RNF19B: variants seen among roughly 807,000 people sequenced by gnomAD.
RNF19B encodes E3 ubiquitin-protein ligase RNF19B.
A neutral mutation model predicts 65.5 loss-of-function variants in RNF19B; 23 were observed. The ratio of observed to expected loss-of-function variants is 0.35; its 90% confidence interval spans 0.25 to 0.50. The LOEUF (loss-of-function observed/expected upper bound fraction) is 0.50, where lower values mean the gene tolerates loss of function less well. Ranked by LOEUF, RNF19B falls within the 20% of genes least tolerant of loss-of-function variation. The probability of loss-of-function intolerance (pLI) is 0.98; values close to 1 mark genes in which losing one functional copy is unlikely to be tolerated. For synonymous variants in RNF19B, 372 were observed against 379.6 expected, an observed-to-expected ratio of 0.98 and a Z score of 0.23; for missense variants, 794 against 980.0, an observed-to-expected ratio of 0.81 and a Z score of 2.53.
intron 1 of RNF19B, among the ~76,000 whole-genome samples, chr1:32,958,645 G>A (rs533157216): frequency 4.6e-4 from 70 of 152,130 alleles, no homozygotes; most frequent in African/African-American, 1.6e-3. Context: ...GAACCCGGGA[G>A]GTGGAGCTTG....
chr1:32,960,361 G>A (rs1277379895), intron 1 of RNF19B, among the ~76,000 whole-genome samples: 5 of 152,116 alleles, frequency 3.3e-5, no homozygotes. Flanking sequence ...TTTATCTGTG[G>A]GCAGTAAAGA....
In RNF19B at chr1:32,964,373, C is replaced by A; in HGVS notation, c.313G>T (p.Glu105Ter). 7.2e-7 allele frequency: 1 copy of A among 1,396,638 alleles called. No homozygotes were observed. Among genetic ancestry groups the A allele is most frequent in the Non-Finnish European group, 9.3e-7 (1 of 1,076,182 alleles). 86.5% of individuals were successfully genotyped at this position (1,396,638 alleles called of 1,614,324 possible). A position where few individuals can be genotyped will look rare whatever the true frequency, so the allele number is the denominator to read the frequency against. Residue 105 changes from glutamate to a stop codon, truncating the protein, a stop_gained, in exon 1 of 9, where the codon GAG (glutamate) becomes TAG (stop). Coordinates refer to ENST00000235150, the MANE Select transcript of RNF19B (RefSeq NM_001300826.2). LOFTEE classifies it high-confidence loss of function. The surrounding 1 kb of genome is among the most constrained non-coding windows in gnomAD (Gnocchi z 6.5). ...CCCGGGCCACCGCCCTCCGCCGCCTCCTCATCGTCGAACCCAGGCTCCGCC... is the reference window on the plus strand; with the variant it reads ...CCCGGGCCACCGCCCTCCGCCGCCTACTCATCGTCGAACCCAGGCTCCGCC... ...AAAEPGFDDE[E>*]AAEGGGPGAE...
Position 32,939,480 on chromosome 1 carries a change from CTTA to C in RNF19B, c.1611-955_1611-953del, listed in dbSNP as rs577806774. On this transcript the variant is annotated intron_variant, in intron 7 of 8. Coordinates refer to ENST00000235150, the MANE Select transcript of RNF19B (RefSeq NM_001300826.2). ...TACAGGCGTGCGCAGGCCCTGCCTA[CTTA>C]TTATTATGCATCTCTCACTTGTCTG... Among the ~76,000 whole-genome samples the C allele has an allele frequency of 2.5e-3, 378 of 152,304 alleles. 2 individuals carry two copies. The highest frequency in any genetic ancestry group is 8.7e-3 in the African/African-American group (360 of 41,568).
At chr1:32,949,400 A>G (rs1452439048) in intron 2 of RNF19B, among the ~76,000 whole-genome samples, 169 bp downstream of exon 2, 3 of 152,346 alleles carry the variant, frequency 2.0e-5, no homozygotes, top group African/African-American at 4.8e-5. Flanking sequence ...TAATGGTCAG[A>G]GAGGGAAGTG....
At position 32,942,368 on chromosome 1, in the gene RNF19B, A is replaced by G; in HGVS notation, c.1494T>C (p.Pro498=). 4 of 1,614,194 alleles carry G rather than the reference A, an allele frequency of 2.5e-6. No individual in the cohort carries two copies. Among genetic ancestry groups the G allele is most frequent in the East Asian group, 2.2e-5 (1 of 44,886 alleles). Reference sequence around the variant, plus strand: ...CTTGCATAACACTAAGTCCATCTGTAGGGCTTCCACTAGTGCTCAATACAC... The same window carrying G: ...CTTGCATAACACTAAGTCCATCTGTGGGGCTTCCACTAGTGCTCAATACAC... ...LTSVLSTSGS[P]TDGLSVMQGP... Residue 498 remains proline, a synonymous_variant, in exon 7 of 9, where the codon CCT becomes CCC. Transcript: ENST00000235150.
At chr1:32,943,895 C>T (rs1305738124) in intron 6 of RNF19B, 124 bp downstream of exon 6, 1 of 925,332 alleles carries the variant, frequency 1.1e-6, no homozygotes, top group South Asian at 1.7e-5. Flanking sequence ...AAATACTTTA[C>T]CCCCTACAAA....
intron 1 of RNF19B, among the ~76,000 whole-genome samples, chr1:32,958,344 C>A (rs1015022773): frequency 1.3e-5 from 2 of 152,170 alleles, no homozygotes; most frequent in Admixed American, 1.3e-4. Flanking sequence ...CCTCACAAAA[C>A]ATTTTTCTTT....
At chr1:32,942,537 T>G (rs1149128) in intron 6 of RNF19B, 78 bp from the exon 7 acceptor site, 109,007 of 1,203,704 alleles carry the variant, frequency 0.091, 6,626 homozygotes, top group African/African-American at 0.26. Flanking sequence ...GCAATGACTT[T>G]TCAGAGAACT....
At chr1:32,936,238 T>A (rs1444130774), downstream of RNF19B, among the ~76,000 whole-genome samples, 1 of 152,240 alleles carries the variant, frequency 6.6e-6, no homozygotes, top group East Asian at 1.9e-4. Context: ...TAATAATTCT[T>A]CAGCCTGACT....
intron 5 of RNF19B, 21 bp from the exon 6 acceptor site, chr1:32,944,180 A>C (rs1336859215): frequency 1.9e-6 from 3 of 1,599,692 alleles, no homozygotes. Flanking sequence ...AGAAGGAAAC[A>C]TGTCAGCTGG....
chr1:32,944,381 C>T (rs753634700), intron 5 of RNF19B, among the ~76,000 whole-genome samples: 6 of 152,314 alleles, frequency 3.9e-5, no homozygotes, highest in African/African-American at 1.4e-4. Flanking sequence ...TAACCTTGGA[C>T]CTATCTTCCC....
downstream of RNF19B, among the ~76,000 whole-genome samples, chr1:32,935,044 A>C (rs193199251): frequency 2.1e-3 from 314 of 150,620 alleles, no homozygotes; most frequent in East Asian, 0.019. Flanking sequence ...GTTGGCCAGG[A>C]TGGTCTTGAT....
At chr1:32,943,302 G>A (rs914169286) in intron 6 of RNF19B, among the ~76,000 whole-genome samples, 2 of 151,932 alleles carry the variant, frequency 1.3e-5, no homozygotes, top group African/African-American at 4.8e-5. Context: ...TAGATAGTAA[G>A]ATGAAAGCTT....
intron 1 of RNF19B, among the ~76,000 whole-genome samples, chr1:32,954,344 G>A (rs749359235): frequency 1.3e-5 from 2 of 151,634 alleles, no homozygotes; most frequent in Admixed American, 6.6e-5. Context: ...CTATTACTAC[G>A]ACACAGAATT....
At chr1:32,951,370 C>T (rs1176257496) in intron 1 of RNF19B, among the ~76,000 whole-genome samples, 2 of 152,262 alleles carry the variant, frequency 1.3e-5, no homozygotes, top group Non-Finnish European at 2.9e-5. Context: ...GCCCACGGGG[C>T]AGCAGGAGCA....
rs888645360 is a variant in RNF19B, at chr1:32,936,819, T to C, written c.2183A>G (p.Glu728Gly). The C allele has an allele frequency of 1.3e-6, 2 of 1,567,990 alleles. No individual in the cohort carries two copies. Among genetic ancestry groups the C allele is most frequent in the Non-Finnish European group, 1.7e-6 (2 of 1,153,526 alleles). The change falls in exon 9 of 9, where the codon GAA becomes GGA. Residue 728 changes from glutamate (E) to glycine (G), a missense_variant. Glu to Gly is a moderately conservative substitution (Grantham distance 98, BLOSUM62 -2). This residue lies in a region of RNF19B where 368 missense variants were observed against 447.3 expected (regional missense o/e 0.82). Coordinates refer to ENST00000235150, the MANE Select transcript of RNF19B (RefSeq NM_001300826.2). ...ATTCATTCCACTTCATACTCTGGCT[T>C]CTCCACCTTCTGGCTTCAAGACAGT... Reference protein sequence around the residue: ...GQTVLKPEGGEARV With the variant: ...GQTVLKPEGGGARV
At chr1:32,931,553 T>C (rs1354575214), downstream of RNF19B, among the ~76,000 whole-genome samples, 1 of 152,208 alleles carries the variant, frequency 6.6e-6, no homozygotes, top group Non-Finnish European at 1.5e-5. Flanking sequence ...TCCCCATTGC[T>C]CATTTCAGAG....
At position 32,955,579 on chromosome 1, in the gene RNF19B, T is replaced by A. The variant is rs564507365; in HGVS notation, c.636-5805A>T. Among the ~76,000 whole-genome samples, 54 of 147,832 alleles carry A rather than the reference T, an allele frequency of 3.7e-4. 1 individual carries two copies. In the East Asian group the frequency reaches 9.2e-3, roughly 25 times the overall value. ...ACCCCATCTCTACAAAAAAAAAAAA[T>A]ACAAAAATTAGCTAGGCGTGGTGGT... On this transcript the variant is annotated intron_variant, in intron 1 of 8. Transcript: ENST00000235150.
At chr1:32,935,263 G>A (rs1001503007), downstream of RNF19B, among the ~76,000 whole-genome samples, 2 of 151,886 alleles carry the variant, frequency 1.3e-5, no homozygotes, top group Middle Eastern at 3.4e-3. Flanking sequence ...TCAGCCTCCC[G>A]AGTAGCTGGA....
Sources: allele counts gnomAD v4.1 joint callset (sites outside exome capture counted in the v4.1 genomes callset), GRCh38; gene constraint gnomAD v4.1.1; regional missense constraint gnomAD v4.1.1; non-coding constraint Gnocchi (gnomAD v3.1); transcripts MANE v1.5; gene names NCBI Gene and HGNC (gene_info 2026-07-23, HGNC 2026-07-21).